Variants in PTPN12 observed in about 807,000 individuals in gnomAD.
The protein encoded by PTPN12 is protein tyrosine phosphatase non-receptor type 12, also known as tyrosine-protein phosphatase non-receptor type 12.
Under a neutral mutation model 97.6 loss-of-function variants are expected in PTPN12, and 29 were observed. The observed-to-expected ratio is 0.30, with a 90% CI of 0.22 to 0.41. The LOEUF is 0.41. Ranked by LOEUF, PTPN12 falls within the 10% of genes least tolerant of loss-of-function variation. The probability of loss-of-function intolerance (pLI) is 1.00; values close to 1 mark genes in which losing one functional copy is unlikely to be tolerated. For synonymous variants in PTPN12, 327 were observed against 300.4 expected, an observed-to-expected ratio of 1.09 and a Z score of -0.91; for missense variants, 819 against 926.0, an observed-to-expected ratio of 0.88 and a Z score of 1.50.
Position 77,598,043 on chromosome 7 carries a change from C to T in PTPN12, c.552+142C>T, listed in dbSNP as rs1180499272. On this transcript the variant is annotated intron_variant, in intron 7 of 17. Transcript: ENST00000248594. The stretch of plus-strand genomic sequence containing the variant: ...AGGGGTTCAAGACTAGCCTGGGCAA[C>T]ATAGTGAGATCTTGTGTCTACAAAA... 5.3e-6 allele frequency: 6 copies of T among 1,123,016 alleles called. No individual in the cohort carries two copies. In the African/African-American group the frequency reaches 9.6e-5, roughly 18 times the overall value. The allele number at this position is 1,123,016 out of a possible 1,614,324, so 69.6% of individuals were successfully genotyped here.
At chr7:77,566,580 G>C (rs769043914) in intron 1 of PTPN12, among the ~76,000 whole-genome samples, 6 of 152,108 alleles carry the variant, frequency 3.9e-5, no homozygotes, top group Admixed American at 3.3e-4. Context: ...TTAGCCAGGC[G>C]TGGCGGTGCG....
chr7:77,573,061 C>T lies in PTPN12; in HGVS notation c.208+1875C>T, dbSNP rs186045096. On this transcript the variant is annotated intron_variant, in intron 2 of 17. Transcript: ENST00000248594. ...TTGCGCCATTGCATTCCAGCCTGGG[C>T]GACAGAGTAAGACTCTATCTCAAAA... Among the ~76,000 whole-genome samples the T allele has an allele frequency of 3.8e-3, 441 of 115,148 alleles. 1 individual carries two copies. Among genetic ancestry groups the T allele is most frequent in the Non-Finnish European group, 6.3e-3 (386 of 61,200 alleles). 75.5% of individuals were successfully genotyped at this position (115,148 alleles called of 152,430 possible). A position where few individuals can be genotyped will look rare whatever the true frequency, so the allele number is the denominator to read the frequency against.
intron 6 of PTPN12, among the ~76,000 whole-genome samples, chr7:77,595,469 C>T (rs887541022): frequency 6.6e-6 from 1 of 152,184 alleles, no homozygotes; most frequent in Non-Finnish European, 1.5e-5. Context: ...AGCTCAATCA[C>T]ATGTTGCCAC....
At chr7:77,602,828 G>A (rs1436074740) in intron 8 of PTPN12, among the ~76,000 whole-genome samples, 5 of 152,150 alleles carry the variant, frequency 3.3e-5, no homozygotes, top group Non-Finnish European at 5.9e-5. Flanking sequence ...TCATAAGACT[G>A]CTATCAATTT....
chr7:77,575,457 A>G (rs760823042), intron 2 of PTPN12, among the ~76,000 whole-genome samples: 10 of 152,268 alleles, frequency 6.6e-5, no homozygotes, highest in East Asian at 1.9e-4. Flanking sequence ...GCAGTGAACT[A>G]TGATTGCACC....
chr7:77,614,075 T>TTGTAGAGATG (rs1554323978), intron 11 of PTPN12, among the ~76,000 whole-genome samples: 14 of 151,164 alleles, frequency 9.3e-5, no homozygotes, highest in South Asian at 2.1e-4. Flanking sequence ...AAAATTTTTT[T>TTGTAGAGATG]TTGTAGAGAT....
intron 1 of PTPN12, among the ~76,000 whole-genome samples, chr7:77,562,739 A>T (rs1468870127): frequency 1.3e-5 from 2 of 152,144 alleles, no homozygotes; most frequent in East Asian, 1.9e-4. Flanking sequence ...TCAAACCTGG[A>T]ACACTTTCCA....
intron 12 of PTPN12, among the ~76,000 whole-genome samples, chr7:77,623,810 ATC>A (rs1428394606): frequency 5.9e-5 from 9 of 152,362 alleles, no homozygotes; most frequent in African/African-American, 2.2e-4. Context: ...TCAAAATTTT[ATC>A]TCATCCTTTT....
In PTPN12 at chr7:77,557,932, C is replaced by T. The variant is rs1417313619; in HGVS notation, c.100-13146C>T. Among the ~76,000 whole-genome samples, 5 of 151,838 alleles carry T rather than the reference C, an allele frequency of 3.3e-5. No homozygotes were observed. The South Asian group carries it at 6.2e-4, about 19-fold the overall frequency. On this transcript the variant is annotated intron_variant, in intron 1 of 17. Coordinates refer to ENST00000248594, the MANE Select transcript of PTPN12 (RefSeq NM_002835.4). Reference sequence around the variant, plus strand: ...TAATTCAGAAATTGAGAATAGCGGCCGGGCGTGGTGGCTCACACCTGTAAT... The same window carrying T: ...TAATTCAGAAATTGAGAATAGCGGCTGGGCGTGGTGGCTCACACCTGTAAT...
intron 2 of PTPN12, among the ~76,000 whole-genome samples, chr7:77,577,701 G>A (rs186263546): frequency 1.3e-5 from 2 of 152,282 alleles, no homozygotes; most frequent in Non-Finnish European, 2.9e-5. Flanking sequence ...GCATAATGTT[G>A]ATTTTTAAAT....
At chr7:77,597,565 A>G (rs973118373) in intron 6 of PTPN12, among the ~76,000 whole-genome samples, 4 of 152,150 alleles carry the variant, frequency 2.6e-5, no homozygotes, top group African/African-American at 2.4e-5. Context: ...TAATTGACAC[A>G]TAGTATCTAT....
At chr7:77,554,841 A>G (rs1807631568) in intron 1 of PTPN12, among the ~76,000 whole-genome samples, 1 of 151,688 alleles carries the variant, frequency 6.6e-6, no homozygotes, top group African/African-American at 2.4e-5. Context: ...CGCCATACTC[A>G]CTTAAGTTTT....
chr7:77,574,781 A>C (rs557999755), intron 2 of PTPN12, among the ~76,000 whole-genome samples: 5 of 152,228 alleles, frequency 3.3e-5, no homozygotes, highest in African/African-American at 9.6e-5. Flanking sequence ...TAAGTTATTT[A>C]AAGTTTGATA....
At chr7:77,625,812 C>T (rs1001981727) in intron 12 of PTPN12, among the ~76,000 whole-genome samples, 2 of 151,758 alleles carry the variant, frequency 1.3e-5, no homozygotes, top group Non-Finnish European at 2.9e-5. Flanking sequence ...TCAATTGATC[C>T]ACCCACCTTG....
chr7:77,540,269 G>C (rs1342525115), intron 1 of PTPN12, among the ~76,000 whole-genome samples: 1 of 144,852 alleles, frequency 6.9e-6, no homozygotes, highest in Non-Finnish European at 1.5e-5. Flanking sequence ...GTAACACCTC[G>C]CTGTGTCGCC....
At chr7:77,635,959 T>C (rs917554576) in intron 15 of PTPN12, 110 bp downstream of exon 15, 12 of 648,520 alleles carry the variant, frequency 1.9e-5, no homozygotes, top group Admixed American at 7.9e-5. Context: ...AAATATAGTT[T>C]GTAATTTTTG....
chr7:77,633,642 C>T (rs1210253325), intron 14 of PTPN12, among the ~76,000 whole-genome samples: 1 of 151,102 alleles, frequency 6.6e-6, no homozygotes, highest in African/African-American at 2.4e-5. Context: ...TTTATGAAAA[C>T]ATTAATTGCT....
chr7:77,553,963 T>C (rs1807589522), intron 1 of PTPN12, among the ~76,000 whole-genome samples: 1 of 152,180 alleles, frequency 6.6e-6, no homozygotes, highest in African/African-American at 2.4e-5. Flanking sequence ...TTTTACTTTT[T>C]TTGTTTTTGG....
intron 12 of PTPN12, among the ~76,000 whole-genome samples, chr7:77,625,478 T>TCG (rs1562758679): frequency 3.2e-5 from 1 of 31,242 alleles, no homozygotes; most frequent in African/African-American, 1.8e-4. Context: ...GCTCGCTCTC[T>TCG]CTCTCTCTCT....
Sources: gnomAD v4.1 joint callset for allele counts (sites outside exome capture counted in the v4.1 genomes callset) on GRCh38, gnomAD v4.1.1 for gene constraint, MANE v1.5 for transcripts, NCBI Gene and HGNC (gene_info 2026-07-23, HGNC 2026-07-21) for gene names.